FSTL5: variants seen among roughly 807,000 people sequenced by gnomAD.
FSTL5 encodes the protein follistatin-related protein 5.
Under a neutral mutation model 89.1 loss-of-function variants are expected in FSTL5, and 62 were observed. The observed-to-expected ratio is 0.70, with a 90% CI of 0.57 to 0.86. FSTL5 has a LOEUF of 0.86. Among genes scored for constraint, FSTL5 ranks in the 40% least tolerant of loss-of-function variants. The probability of loss-of-function intolerance (pLI) is 0.00; values close to 1 mark genes in which losing one functional copy is unlikely to be tolerated. For missense variants in FSTL5, 1,057 were observed against 1,001.6 expected (o/e 1.06, Z -0.75); for synonymous variants, 383 against 346.2 (o/e 1.11, Z -1.18).
intron 15 of FSTL5, among the ~76,000 whole-genome samples, chr4:161,439,305 G>A (rs1223528276): frequency 6.6e-6 from 1 of 152,164 alleles, no homozygotes; most frequent in African/African-American, 2.4e-5. Context: ...AAATGGTGTC[G>A]AGTGTGTATG....
chr4:161,769,335 A>G (rs1176616831), intron 5 of FSTL5, among the ~76,000 whole-genome samples: 2 of 152,028 alleles, frequency 1.3e-5, no homozygotes, highest in Non-Finnish European at 2.9e-5. Flanking sequence ...AACTCATTCC[A>G]TGAGACCAGT....
chr4:161,981,079 C>T (rs191817558), intron 3 of FSTL5, among the ~76,000 whole-genome samples: 1 of 152,118 alleles, frequency 6.6e-6, no homozygotes, highest in Admixed American at 6.6e-5. Flanking sequence ...GTAATTTTTG[C>T]AAAACAGCAT....
chr4:161,640,910 C>G (rs1735935345), intron 7 of FSTL5, among the ~76,000 whole-genome samples: 1 of 142,150 alleles, frequency 7.0e-6, no homozygotes, highest in African/African-American at 3.1e-5. Context: ...AGCAAGAGAA[C>G]AGCAATGAAT....
intron 3 of FSTL5, among the ~76,000 whole-genome samples, chr4:161,956,298 T>C (rs1363932174): frequency 6.6e-6 from 1 of 151,540 alleles, no homozygotes; most frequent in African/African-American, 2.4e-5. Flanking sequence ...CAATTAAGAA[T>C]AAGAATAAAT....
In FSTL5 at chr4:161,422,775, T is replaced by C. The variant is rs79823137; in HGVS notation, c.1841+32229A>G. 3.3e-3 allele frequency among the ~76,000 whole-genome samples: 488 copies of C among 148,418 alleles called. 13 individuals carry two copies. The East Asian group carries it at 0.054, about 17-fold the overall frequency. On this transcript the variant is annotated intron_variant, in intron 15 of 15. Transcript: ENST00000306100. ...TTTTCTGAGATAAATCATACCACAA[T>C]GCATCACATTTCTTCTTTAGGAAAA... is the stretch of plus-strand genomic sequence containing the variant.
rs918725752 is a variant in FSTL5 at position 162,099,152 on chromosome 4, T to C, written c.126+12119A>G. On this transcript the variant is annotated intron_variant, in intron 2 of 15. Coordinates refer to ENST00000306100, the MANE Select transcript of FSTL5 (RefSeq NM_020116.5). ...GAACATGTATCATTTCTTTGTGTAGTAGCATTCTAAATATTTTCTTTCAGC... is the reference window on the plus strand; with the variant it reads ...GAACATGTATCATTTCTTTGTGTAGCAGCATTCTAAATATTTTCTTTCAGC... Among the ~76,000 whole-genome samples the C allele has an allele frequency of 1.1e-3, 170 of 152,238 alleles. 1 individual carries two copies. Among genetic ancestry groups the C allele is most frequent in the African/African-American group, 3.8e-3 (160 of 41,570 alleles).
chr4:161,414,600 C>T (rs1366811003), intron 15 of FSTL5, among the ~76,000 whole-genome samples: 1 of 152,086 alleles, frequency 6.6e-6, no homozygotes, highest in Non-Finnish European at 1.5e-5. Flanking sequence ...TTATCCTTAG[C>T]AATTCACATA....
intron 3 of FSTL5, among the ~76,000 whole-genome samples, chr4:161,982,889 T>C (rs1192748615): frequency 2.0e-5 from 3 of 152,174 alleles, no homozygotes; most frequent in African/African-American, 4.8e-5. Context: ...ATCATGACAC[T>C]TGATACAATT....
chr4:161,669,525 T>A (rs942314466), intron 6 of FSTL5, among the ~76,000 whole-genome samples: 3 of 152,062 alleles, frequency 2.0e-5, no homozygotes, highest in South Asian at 2.1e-4. Flanking sequence ...CAAAGAGAAA[T>A]GACAATGCAA....
intron 15 of FSTL5, among the ~76,000 whole-genome samples, chr4:161,418,300 A>G (rs1731855274): frequency 6.6e-6 from 1 of 152,186 alleles, no homozygotes; most frequent in African/African-American, 2.4e-5. Context: ...GCGTTAGAAA[A>G]TAAATAAATG....
At chr4:161,806,011 T>G (rs1015503803) in intron 4 of FSTL5, among the ~76,000 whole-genome samples, 1 of 152,122 alleles carries the variant, frequency 6.6e-6, no homozygotes, top group African/African-American at 2.4e-5. Context: ...AATTAAAAAT[T>G]AAACTTTGTC....
chr4:161,995,767 GTT>G (rs371077939), intron 3 of FSTL5, among the ~76,000 whole-genome samples: 3 of 137,122 alleles, frequency 2.2e-5, no homozygotes. Flanking sequence ...CATGTAATGA[GTT>G]TTTTTTTTTT....
chr4:161,576,027 A>G lies in FSTL5; in HGVS notation c.1015+11428T>C, dbSNP rs916839698. Among the ~76,000 whole-genome samples, 4 of 152,206 alleles carry G rather than the reference A, an allele frequency of 2.6e-5. No individual in the cohort carries two copies. The East Asian group carries it at 5.8e-4, about 22-fold the overall frequency. On this transcript the variant is annotated intron_variant, in intron 8 of 15. Transcript: ENST00000306100. ...ACAACCATTCCTATATACCAACAAC[A>G]GACAAATAAAGAGCCAAATCATGAG...
intron 1 of FSTL5, among the ~76,000 whole-genome samples, chr4:162,144,002 G>A (rs932359609): frequency 2.0e-5 from 3 of 151,936 alleles, no homozygotes; most frequent in South Asian, 2.1e-4. Context: ...ATTGAACCTC[G>A]CAGGGTGATG....
intron 13 of FSTL5, among the ~76,000 whole-genome samples, chr4:161,475,332 A>G (rs1734099474): frequency 6.6e-6 from 1 of 152,094 alleles, no homozygotes; most frequent in South Asian, 2.1e-4. Flanking sequence ...TTCTCCAAAT[A>G]TTCTGTTGGC....
At chr4:161,734,493 A>T (rs1021936980) in intron 6 of FSTL5, among the ~76,000 whole-genome samples, 1 of 152,150 alleles carries the variant, frequency 6.6e-6, no homozygotes, top group Non-Finnish European at 1.5e-5. Flanking sequence ...TTAATTTTTT[A>T]AAAATATTTT....
At chr4:161,900,675 GAAAAGA>G (rs1733335060) in intron 4 of FSTL5, among the ~76,000 whole-genome samples, 1 of 106,586 alleles carries the variant, frequency 9.4e-6, no homozygotes, top group Non-Finnish European at 2.1e-5. Flanking sequence ...AAGAAAGAAA[GAAAAGA>G]AAAAAAAAAG....
At chr4:161,547,370 G>A (rs898793660) in intron 8 of FSTL5, among the ~76,000 whole-genome samples, 4 of 151,906 alleles carry the variant, frequency 2.6e-5, no homozygotes, top group Non-Finnish European at 4.4e-5. Context: ...GAGCATAAAT[G>A]TTTGTTGTTT....
intron 3 of FSTL5, among the ~76,000 whole-genome samples, chr4:161,993,815 G>T (rs74422189): frequency 0.052 from 7,905 of 152,194 alleles, 259 homozygotes; most frequent in Non-Finnish European, 0.077. Flanking sequence ...GTTTGTGTCT[G>T]TGTGTAAAAA....
Sources: gnomAD v4.1 joint callset for allele counts (sites outside exome capture counted in the v4.1 genomes callset) on GRCh38, gnomAD v4.1.1 for gene constraint, MANE v1.5 for transcripts, NCBI Gene and HGNC (gene_info 2026-07-23, HGNC 2026-07-21) for gene names.